The following ULK4 variants were observed in gnomAD, a reference collection of about 807,000 sequenced individuals.
The protein encoded by ULK4 is unc-51 like kinase 4.
In ULK4, 133 loss-of-function variants were observed where a neutral mutation model predicts 160.6. The ratio of observed to expected loss-of-function variants is 0.83; its 90% CI spans 0.72 to 0.96. The LOEUF is 0.96. Ranked by LOEUF, ULK4 falls within the 40% of genes least tolerant of loss-of-function variation. The pLI, the probability that ULK4 is intolerant of heterozygous loss-of-function variation, is 0.00. For missense variants in ULK4, 1,580 were observed against 1,499.5 expected, an observed-to-expected ratio of 1.05 and a Z score of -0.89; for synonymous variants, 534 against 539.8, an observed-to-expected ratio of 0.99 and a Z score of 0.15.
intron 17 of ULK4, among the ~76,000 whole-genome samples, chr3:41,877,471 C>G (rs1464028237): frequency 6.6e-6 from 1 of 151,748 alleles, no homozygotes; most frequent in East Asian, 2.0e-4. Context: ...GGATTACAGG[C>G]GTGCATCACT....
intron 5 of ULK4, among the ~76,000 whole-genome samples, chr3:41,922,225 A>G (rs1699209725): frequency 6.6e-6 from 1 of 152,134 alleles, no homozygotes; most frequent in African/African-American, 2.4e-5. Context: ...TGGTGGCACA[A>G]GCCTGTACTC....
intron 17 of ULK4, among the ~76,000 whole-genome samples, chr3:41,860,250 A>G (rs1193157751): frequency 6.6e-6 from 1 of 152,278 alleles, no homozygotes; most frequent in Admixed American, 6.5e-5. Context: ...CTTTTTGTCT[A>G]TAGTGAAGAT....
intron 19 of ULK4, among the ~76,000 whole-genome samples, chr3:41,806,177 A>G: frequency 6.7e-6 from 1 of 148,284 alleles, no homozygotes; most frequent in East Asian, 1.9e-4. Flanking sequence ...TTATTGGTCT[A>G]TTCAGAGATT....
At chr3:41,753,021 T>C (rs1481178965) in intron 22 of ULK4, among the ~76,000 whole-genome samples, 1 of 152,150 alleles carries the variant, frequency 6.6e-6, no homozygotes, top group Non-Finnish European at 1.5e-5. Flanking sequence ...AAGACCAGCC[T>C]GGACAACACA....
At chr3:41,503,176 C>T (rs777796643) in intron 32 of ULK4, among the ~76,000 whole-genome samples, 2 of 152,194 alleles carry the variant, frequency 1.3e-5, no homozygotes, top group Non-Finnish European at 2.9e-5. Flanking sequence ...ATCTAAAGGA[C>T]TAAGTTAGAA....
intron 17 of ULK4, among the ~76,000 whole-genome samples, chr3:41,850,132 G>A (rs2042173857): frequency 6.6e-6 from 1 of 152,126 alleles, no homozygotes; most frequent in African/African-American, 2.4e-5. Context: ...CCCTACAAAG[G>A]ACATGAACTC....
chr3:41,927,935 T>C (rs1332529814), intron 5 of ULK4, among the ~76,000 whole-genome samples: 1 of 152,034 alleles, frequency 6.6e-6, no homozygotes, highest in Non-Finnish European at 1.5e-5. Flanking sequence ...CTGTCAATAT[T>C]AGACAGATCA....
chr3:41,948,049 A>C (rs1700164464), intron 2 of ULK4, among the ~76,000 whole-genome samples: 1 of 152,032 alleles, frequency 6.6e-6, no homozygotes. Context: ...GACCGACCCC[A>C]CATCCCTCTT....
intron 34 of ULK4, among the ~76,000 whole-genome samples, chr3:41,408,920 C>T (rs1327736056): frequency 6.6e-6 from 1 of 151,922 alleles, no homozygotes; most frequent in Non-Finnish European, 1.5e-5. Context: ...GAAACTGGAC[C>T]CCACATCACA....
At chr3:41,667,962 A>C (rs1372126647) in intron 29 of ULK4, among the ~76,000 whole-genome samples, 1 of 152,250 alleles carries the variant, frequency 6.6e-6, no homozygotes, top group African/African-American at 2.4e-5. Flanking sequence ...TGGTATAGAC[A>C]GTGCCCAATT....
chr3:41,888,420 G>C (rs1376279367), intron 16 of ULK4, among the ~76,000 whole-genome samples: 1 of 152,216 alleles, frequency 6.6e-6, no homozygotes, highest in African/African-American at 2.4e-5. Flanking sequence ...AAGACTGACA[G>C]AGAACCAACA....
chr3:41,523,761 T>C (rs2700454), intron 32 of ULK4, among the ~76,000 whole-genome samples: 64,383 of 151,942 alleles, frequency 0.42, 15,085 homozygotes, highest in Non-Finnish European at 0.52. Context: ...CCATATGATC[T>C]AGCAATTCCA....
At chr3:41,487,604 A>G (rs2084586961) in intron 32 of ULK4, among the ~76,000 whole-genome samples, 1 of 152,118 alleles carries the variant, frequency 6.6e-6, no homozygotes, top group Non-Finnish European at 1.5e-5. Flanking sequence ...TCTATGAGGA[A>G]TAAGTAATTA....
chr3:41,385,073 T>C (rs2081773605), intron 35 of ULK4, among the ~76,000 whole-genome samples: 1 of 151,956 alleles, frequency 6.6e-6, no homozygotes, highest in Non-Finnish European at 1.5e-5. Flanking sequence ...AAAAAAGTAT[T>C]AAGTAGATAT....
chr3:41,400,350 C>G (rs2082153738), intron 34 of ULK4, among the ~76,000 whole-genome samples: 1 of 152,048 alleles, frequency 6.6e-6, no homozygotes, highest in East Asian at 1.9e-4. Flanking sequence ...ATAGTAAGAG[C>G]CAACACCCAC....
chr3:41,309,012 G>C (rs1488033514), intron 35 of ULK4, among the ~76,000 whole-genome samples: 1 of 152,106 alleles, frequency 6.6e-6, no homozygotes, highest in Non-Finnish European at 1.5e-5. Context: ...ATACTTTCTA[G>C]AAGACTCTCA....
intron 6 of ULK4, among the ~76,000 whole-genome samples, chr3:41,919,350 C>T (rs1699091230): frequency 6.6e-6 from 1 of 152,026 alleles, no homozygotes; most frequent in Non-Finnish European, 1.5e-5. Flanking sequence ...GCCTATAATC[C>T]CAGAGCTTTG....
At chr3:41,311,256 G>A (rs531027475) in intron 35 of ULK4, among the ~76,000 whole-genome samples, 3 of 152,306 alleles carry the variant, frequency 2.0e-5, no homozygotes, top group African/African-American at 7.2e-5. Context: ...GTGTCCGTGA[G>A]GGCGTTGCCA....
At chr3:41,697,794 AT>A (rs1242685879) in intron 27 of ULK4, among the ~76,000 whole-genome samples, 1 of 152,130 alleles carries the variant, frequency 6.6e-6, no homozygotes, top group Non-Finnish European at 1.5e-5. Flanking sequence ...AGACCAAAAA[AT>A]ATTTTTAAAT....
Sources: allele counts gnomAD v4.1 joint callset (sites outside exome capture counted in the v4.1 genomes callset), GRCh38; gene constraint gnomAD v4.1.1; transcripts MANE v1.5; gene names NCBI Gene and HGNC (gene_info 2026-07-23, HGNC 2026-07-21).